Variants in POLN observed in about 807,000 individuals in gnomAD.
POLN encodes DNA polymerase nu, also known as DNA polymerase N.
POLN carries 108 observed loss-of-function variants against 113.5 expected under a neutral mutation model. That is an observed-to-expected ratio of 0.95 (90% confidence interval 0.81 to 1.12). The LOEUF is 1.12. POLN is among the 50% of genes most tolerant of loss of function. The pLI, the probability that POLN is intolerant of heterozygous loss-of-function variation, is 0.00. For synonymous variants in POLN, 386 were observed against 391.5 expected (o/e 0.99, Z 0.17); for missense variants, 1,097 against 1,077.1 (o/e 1.02, Z -0.26).
intron 5 of POLN, among the ~76,000 whole-genome samples, chr4:2,204,462 A>T (rs1300097200): frequency 6.6e-6 from 1 of 152,166 alleles, no homozygotes; most frequent in Non-Finnish European, 1.5e-5. Flanking sequence ...AATTACAAAT[A>T]AAAAAAGTCC....
intron 7 of POLN, among the ~76,000 whole-genome samples, chr4:2,189,418 T>A (rs1156519133): frequency 1.3e-5 from 2 of 151,638 alleles, no homozygotes; most frequent in Non-Finnish European, 2.9e-5. Flanking sequence ...GGTGGGTGGA[T>A]CACGAGGTCA....
intron 24 of POLN, among the ~76,000 whole-genome samples, chr4:2,073,831 C>G (rs935237042): frequency 6.6e-6 from 1 of 152,212 alleles, no homozygotes. Flanking sequence ...GGGGACCTGT[C>G]CCTGGTGTGT....
At position 2,198,603 on chromosome 4, in the gene POLN, C is replaced by G. The variant is rs1733638092; in HGVS notation, c.829G>C (p.Asp277His). 2 of 1,614,008 alleles carry G rather than the reference C, an allele frequency of 1.2e-6. No homozygotes were observed. The highest frequency in any genetic ancestry group is 1.7e-6 in the Non-Finnish European group (2 of 1,180,000). ...CGPVLEGFVS[D>H]DPCIYIQIEH... ...ATTTGAATGTAGATGCATGGATCAT[C>G]TGACACAAAGCCCTCCAGAACAGGA... is the stretch of plus-strand genomic sequence containing the variant. The change falls in exon 6 of 26, where the codon GAT becomes CAT. Residue 277 changes from aspartate (D) to histidine (H), a missense_variant. Physicochemically the swap from Asp to His is moderately conservative, Grantham distance 81. Transcript: ENST00000511885.
At chr4:2,128,736 G>C (rs1731648729) in intron 18 of POLN, among the ~76,000 whole-genome samples, 1 of 152,178 alleles carries the variant, frequency 6.6e-6, no homozygotes, top group Admixed American at 6.5e-5. Flanking sequence ...AGAAAAACTT[G>C]TTATTATGTA....
At chr4:2,175,719 A>G (rs544744593) in intron 9 of POLN, among the ~76,000 whole-genome samples, 9 of 152,128 alleles carry the variant, frequency 5.9e-5, no homozygotes, top group Non-Finnish European at 1.3e-4. Context: ...CCTTGCCCAT[A>G]AGGCGGGGCA....
chr4:2,204,878 C>T (rs1369610804), intron 5 of POLN, among the ~76,000 whole-genome samples: 1 of 152,092 alleles, frequency 6.6e-6, no homozygotes, highest in African/African-American at 2.4e-5. Context: ...AAGCATTCAA[C>T]AAAATCCAGC....
chr4:2,124,922 C>G (rs1443933518), intron 19 of POLN, among the ~76,000 whole-genome samples: 1 of 152,052 alleles, frequency 6.6e-6, no homozygotes, highest in Non-Finnish European at 1.5e-5. Context: ...TTTTAAGAAG[C>G]AAGAAAGAGC....
At chr4:2,174,894 C>T (rs1227072158) in intron 9 of POLN, 143 bp from the exon 10 acceptor site, 4 of 588,536 alleles carry the variant, frequency 6.8e-6, no homozygotes, top group Non-Finnish European at 1.2e-5. Context: ...GTGATCTCAG[C>T]GCACTGCAAC....
intron 19 of POLN, among the ~76,000 whole-genome samples, chr4:2,114,571 GC>G (rs1731273254): frequency 6.6e-6 from 1 of 152,110 alleles, no homozygotes; most frequent in Non-Finnish European, 1.5e-5. Flanking sequence ...TCATCTTCTG[GC>G]CTCCACTGTG....
rs548150799 is a variant in POLN at position 2,080,995 on chromosome 4, A to T, written c.2350T>A (p.Phe784Ile). The change falls in exon 23 of 26, where the codon TTC becomes ATC. Residue 784 changes from phenylalanine to isoleucine, a missense_variant. By Grantham distance (21) the Phe-to-Ile change is conservative. Coordinates refer to ENST00000511885, the MANE Select transcript of POLN (RefSeq NM_181808.4). Reference protein sequence around the residue: ...DLCKLAMIHVFTAVAASHTLT... With the variant: ...DLCKLAMIHVITAVAASHTLT... The stretch of plus-strand genomic sequence containing the variant: ...GTGTGGGAAGCAGCCACTGCAGTGA[A>T]GACATGGATCATGGCCAGCTTGCAG... 6.2e-6 allele frequency: 10 copies of T among 1,613,902 alleles called. No individual in the cohort carries two copies. In the South Asian group the frequency reaches 6.6e-5, roughly 11 times the overall value.
chr4:2,224,771 T>C (rs1329135695), intron 3 of POLN, among the ~76,000 whole-genome samples: 1 of 151,844 alleles, frequency 6.6e-6, no homozygotes, highest in Non-Finnish European at 1.5e-5. Context: ...GCCAACATGG[T>C]GAAACCCTGC....
At chr4:2,147,098 A>C (rs928515144) in intron 16 of POLN, among the ~76,000 whole-genome samples, 3 of 152,250 alleles carry the variant, frequency 2.0e-5, no homozygotes, top group African/African-American at 7.2e-5. Context: ...CTACGCTGCA[A>C]GAAAAATGAG....
At chr4:2,230,124 G>C (rs185337344) in intron 2 of POLN, 1 of 152,496 alleles carries the variant, frequency 6.6e-6, no homozygotes, top group African/African-American at 2.4e-5. Context: ...GTGAAACCCC[G>C]TCTCTACTGA....
intron 19 of POLN, among the ~76,000 whole-genome samples, chr4:2,098,387 C>A (rs1443947101): frequency 6.6e-6 from 1 of 152,178 alleles, no homozygotes; most frequent in African/African-American, 2.4e-5. Context: ...CCACTGCACT[C>A]CAGCCTGGGC....
chr4:2,240,865 CAA>C, intron 2 of POLN: 3 of 1,612,126 alleles, frequency 1.9e-6, no homozygotes, highest in East Asian at 2.2e-5. Flanking sequence ...AACAACCAGT[CAA>C]AGTCTTCTCC....
At chr4:2,168,264 T>A (rs764904344) in intron 13 of POLN, among the ~76,000 whole-genome samples, 2 of 152,150 alleles carry the variant, frequency 1.3e-5, no homozygotes, top group South Asian at 2.1e-4. Context: ...AAACATGGAT[T>A]CATGGAGGAA....
intron 17 of POLN, among the ~76,000 whole-genome samples, chr4:2,129,485 C>T (rs1731668250): frequency 6.6e-6 from 1 of 151,972 alleles, no homozygotes; most frequent in South Asian, 2.1e-4. Flanking sequence ...CACTCCAGGG[C>T]TTAAGCAATA....
chr4:2,091,270 G>A (rs1261509964), intron 20 of POLN, among the ~76,000 whole-genome samples: 1 of 152,202 alleles, frequency 6.6e-6, no homozygotes, highest in Admixed American at 6.5e-5. Context: ...GGCCAAGGGA[G>A]AATCCCTTTC....
rs57891968 is a variant in POLN at position 2,190,476 on chromosome 4, A to ATTT, written c.1021+2725_1021+2727dup. The stretch of plus-strand genomic sequence containing the variant: ...CTCCAGTGCATTTGTCTGGGCAATG[A>ATTT]TTTTTTTTTTTTTACTACAACTTCA... On this transcript the variant is annotated intron_variant, in intron 7 of 25. Coordinates refer to ENST00000511885, the MANE Select transcript of POLN (RefSeq NM_181808.4). Among the ~76,000 whole-genome samples the ATTT allele has an allele frequency of 2.7e-3, 405 of 147,734 alleles. 3 individuals carry two copies. The highest frequency in any genetic ancestry group is 8.7e-3 in the African/African-American group (355 of 40,734).
Sources: allele counts gnomAD v4.1 joint callset (sites outside exome capture counted in the v4.1 genomes callset), GRCh38; gene constraint gnomAD v4.1.1; transcripts MANE v1.5; gene names NCBI Gene and HGNC (gene_info 2026-07-23, HGNC 2026-07-21).